NF1: variants seen among roughly 807,000 people sequenced by gnomAD.
The protein encoded by NF1 is neurofibromin.
In NF1, 122 loss-of-function variants were observed where a neutral mutation model predicts 325.7. That is an observed-to-expected ratio of 0.37 (90% CI 0.32 to 0.44). The LOEUF (loss-of-function observed/expected upper bound fraction) is 0.44. Ranked by LOEUF, NF1 falls within the 20% of genes least tolerant of loss-of-function variation. The probability of loss-of-function intolerance (pLI) is 1.00; values close to 1 mark genes in which losing one functional copy is unlikely to be tolerated. For synonymous variants in NF1, 1,091 were observed against 1,186.0 expected (o/e 0.92, Z 1.65); for missense variants, 2,140 against 3,415.4 (o/e 0.63, Z 9.31).
intron 51 of NF1, among the ~76,000 whole-genome samples, chr17:31,353,763 A>G (rs1451081551): frequency 6.6e-6 from 1 of 152,252 alleles, no homozygotes; most frequent in Non-Finnish European, 1.5e-5. Context: ...TGAATGGTTC[A>G]ACAGATTTCA....
intron 31 of NF1, among the ~76,000 whole-genome samples, chr17:31,255,882 A>G (rs953735054): frequency 6.6e-6 from 1 of 152,182 alleles, no homozygotes; most frequent in Non-Finnish European, 1.5e-5. Context: ...AAAAAATAAA[A>G]CAGTATTTTG....
At chr17:31,335,112 G>T (rs961455933) in intron 40 of NF1, 81 bp downstream of exon 40, 13 of 1,175,356 alleles carry the variant, frequency 1.1e-5, no homozygotes, top group Middle Eastern at 1.9e-4. Context: ...AAAGCACTGC[G>T]CTAGACACTA....
chr17:31,131,461 C>T (rs1424986156), intron 1 of NF1, among the ~76,000 whole-genome samples: 1 of 152,202 alleles, frequency 6.6e-6, no homozygotes, highest in Non-Finnish European at 1.5e-5. Context: ...CTTCTTCCCT[C>T]GTCAGTTCAG....
chr17:31,322,480 A>G (rs1196008202), intron 36 of NF1, among the ~76,000 whole-genome samples: 1 of 135,842 alleles, frequency 7.4e-6, no homozygotes, highest in Non-Finnish European at 1.6e-5. Context: ...CCAGCCAGGA[A>G]GACAGAGTAA....
Position 31,357,309 on chromosome 17 carries a change from G to T in NF1, c.7910G>T (p.Arg2637Leu), listed in dbSNP as rs560262404. ...TATACCACAGATGAGTTTGATCAAC[G>T]AATTCTTTATGAATACTTAGCAGAG... ...VKYTTDEFDQ[R>L]ILYEYLAEAS... The change falls in exon 54 of 58, where the codon CGA becomes CTA. Residue 2637 changes from arginine to leucine, a missense_variant. This residue lies in a region of NF1 where 522 missense variants were observed against 749.0 expected (regional missense o/e 0.70). Transcript: ENST00000358273. 6.2e-7 allele frequency: 1 copy of T among 1,613,844 alleles called. No homozygotes were observed. Among genetic ancestry groups the T allele is most frequent in the African/African-American group, 1.3e-5 (1 of 74,908 alleles).
At chr17:31,247,223 T>TGGATATGGGG (rs1341545446) in intron 29 of NF1, among the ~76,000 whole-genome samples, 1 of 148,596 alleles carries the variant, frequency 6.7e-6, no homozygotes, top group Non-Finnish European at 1.5e-5. Context: ...CAATACTGAT[T>TGGATATGGGG]GGATATGGGG....
intron 36 of NF1, chr17:31,295,367 G>A: frequency 1.9e-6 from 3 of 1,614,112 alleles, no homozygotes; most frequent in Non-Finnish European, 2.5e-6. Flanking sequence ...AGTAAAGGTG[G>A]TGTCTTTGCT....
At chr17:31,371,620 T>C (rs2070639997) in intron 57 of NF1, among the ~76,000 whole-genome samples, 1 of 152,256 alleles carries the variant, frequency 6.6e-6, no homozygotes, top group African/African-American at 2.4e-5. Flanking sequence ...TCTAGTCATC[T>C]TTCTATGCAT....
rs753797445 is a variant in NF1 at position 31,200,401 on chromosome 17, C to T, written c.889-21C>T. ...GAAGAAACTTCATATATTATCTTATCGCTATATTTGAATTCTGTAGAAGTT... is the reference window on the plus strand; with the variant it reads ...GAAGAAACTTCATATATTATCTTATTGCTATATTTGAATTCTGTAGAAGTT... On this transcript the variant is annotated intron_variant, in intron 8 of 57. Transcript: ENST00000358273. The T allele has an allele frequency of 3.1e-5, 50 of 1,610,722 alleles. No homozygotes were observed. Among genetic ancestry groups the T allele is most frequent in the Admixed American group, 1.0e-4 (6 of 59,996 alleles).
intron 36 of NF1, among the ~76,000 whole-genome samples, chr17:31,288,655 G>C (rs2151492397): frequency 6.6e-6 from 1 of 151,458 alleles, no homozygotes; most frequent in African/African-American, 2.4e-5. Flanking sequence ...TCCTGCCTCA[G>C]TCTCCTGAGT....
chr17:31,343,993 A>C (rs2069901930), intron 48 of NF1, among the ~76,000 whole-genome samples: 1 of 151,944 alleles, frequency 6.6e-6, no homozygotes, highest in Non-Finnish European at 1.5e-5. Context: ...TCTTACAAAA[A>C]CCTACATACT....
intron 36 of NF1, among the ~76,000 whole-genome samples, chr17:31,300,667 A>G (rs767402232): frequency 6.6e-6 from 1 of 152,126 alleles, no homozygotes; most frequent in East Asian, 1.9e-4. Flanking sequence ...AAAGATTCCT[A>G]GAAGTAGGAT....
intron 36 of NF1, among the ~76,000 whole-genome samples, chr17:31,279,549 A>AG (rs977958316): frequency 6.6e-6 from 1 of 151,914 alleles, no homozygotes; most frequent in African/African-American, 2.4e-5. Context: ...GCTTGAGCTC[A>AG]GAATCCAGTC....
intron 36 of NF1, chr17:31,296,558 C>A (rs1293302358): frequency 1.5e-5 from 8 of 545,456 alleles, no homozygotes; most frequent in Non-Finnish European, 2.6e-5. Flanking sequence ...TCTCCCTACT[C>A]TCTCCTGCAT....
chr17:31,193,686 AAACAAAAC>A (rs904268346), intron 8 of NF1, among the ~76,000 whole-genome samples: 15 of 152,182 alleles, frequency 9.9e-5, no homozygotes, highest in South Asian at 2.1e-4. Flanking sequence ...AAACAAAACA[AAACAAAAC>A]AACAACAAAA....
Position 31,355,085 on chromosome 17 carries a change from C to T in NF1, c.7616-1375C>T, listed in dbSNP as rs78609276. Among the ~76,000 whole-genome samples, 511 of 152,022 alleles carry T rather than the reference C, an allele frequency of 3.4e-3. 5 individuals are homozygous for T. Among genetic ancestry groups the T allele is most frequent in the African/African-American group, 0.012 (493 of 41,440 alleles). On this transcript the variant is annotated intron_variant, in intron 51 of 57. Coordinates refer to ENST00000358273, the MANE Select transcript of NF1 (RefSeq NM_001042492.3). ...TCTAAGAGATAAACCACAAGATGTACCTGGAATTCGGGAAGAAAGTAAACA... is the reference window on the plus strand; with the variant it reads ...TCTAAGAGATAAACCACAAGATGTATCTGGAATTCGGGAAGAAAGTAAACA...
chr17:31,109,136 A>T (rs1597569229), intron 1 of NF1, among the ~76,000 whole-genome samples: 1 of 151,914 alleles, frequency 6.6e-6, no homozygotes, highest in East Asian at 1.9e-4. Context: ...ACCTTTACCC[A>T]CTCTTGGATT....
At chr17:31,326,714 T>G (rs1028975657) in intron 37 of NF1, among the ~76,000 whole-genome samples, 1 of 152,118 alleles carries the variant, frequency 6.6e-6, no homozygotes, top group Non-Finnish European at 1.5e-5. Context: ...GGAGGTCCTG[T>G]GGAGGATATG....
At chr17:31,260,079 C>T (rs2067657235) in intron 33 of NF1, among the ~76,000 whole-genome samples, 1 of 152,180 alleles carries the variant, frequency 6.6e-6, no homozygotes, top group Non-Finnish European at 1.5e-5. Context: ...TCTGGACCTT[C>T]ATTTCCTTAT....
Sources: gnomAD v4.1 joint callset for allele counts (sites outside exome capture counted in the v4.1 genomes callset) on GRCh38, gnomAD v4.1.1 for gene constraint, gnomAD v4.1.1 regional missense constraint, MANE v1.5 for transcripts, NCBI Gene and HGNC (gene_info 2026-07-23, HGNC 2026-07-21) for gene names.